Variants in CECR2 observed in about 807,000 individuals in gnomAD.
CECR2 encodes the protein CECR2 histone acetyl-lysine reader.
CECR2 carries 30 observed loss-of-function variants against 154.5 expected under a neutral mutation model. The ratio of observed to expected loss-of-function variants is 0.19; its 90% CI spans 0.15 to 0.26. The LOEUF is 0.26. Ranked by LOEUF, CECR2 falls within the 10% of genes least tolerant of loss-of-function variation. The probability of loss-of-function intolerance (pLI) is 1.00; values close to 1 mark genes in which losing one functional copy is unlikely to be tolerated. For missense variants in CECR2, 1,743 were observed against 1,829.3 expected, an observed-to-expected ratio of 0.95 and a Z score of 0.86; for synonymous variants, 725 against 683.7, an observed-to-expected ratio of 1.06 and a Z score of -0.94.
intron 1 of CECR2, among the ~76,000 whole-genome samples, chr22:17,453,891 C>T (rs2054811625): frequency 6.6e-6 from 1 of 152,084 alleles, no homozygotes; most frequent in East Asian, 1.9e-4. Context: ...TGTTCAAGTG[C>T]TATTTCTTTA....
Position 17,502,362 on chromosome 22 carries a change from G to C in CECR2, c.651-720G>C, listed in dbSNP as rs189471481. Among the ~76,000 whole-genome samples the C allele has an allele frequency of 5.6e-3, 850 of 152,238 alleles. 3 individuals are homozygous for C. The highest frequency in any genetic ancestry group is 7.2e-3 in the Non-Finnish European group (488 of 68,024). On this transcript the variant is annotated intron_variant, in intron 5 of 18. Transcript: ENST00000262608. ...CAGTGCGGCCCTGAATCAGGGAGGA[G>C]GACATTGGAATCCCTACAGTTCTTT...
At chr22:17,431,604 A>T (rs1355582968) in intron 1 of CECR2, among the ~76,000 whole-genome samples, 1 of 152,186 alleles carries the variant, frequency 6.6e-6, no homozygotes, top group Non-Finnish European at 1.5e-5. Flanking sequence ...GTTTCACCTG[A>T]ATTCAATAAA....
At chr22:17,424,739 C>G (rs555705171) in intron 1 of CECR2, 2 of 154,354 alleles carry the variant, frequency 1.3e-5, no homozygotes, top group African/African-American at 4.8e-5. Flanking sequence ...GATTGGTGTC[C>G]CTCTCTCATG....
rs2056779250 is a variant in CECR2, at chr22:17,556,994, T to G, written c.*4154T>G. ...CACTGCATAGCACAAAGAATGTGAT[T>G]GCCATTTGCTGCGTGAGAAAAAGCT... On this transcript the variant is annotated 3_prime_UTR_variant, in exon 19 of 19. Coordinates refer to ENST00000262608, the MANE Select transcript of CECR2 (RefSeq NM_001290047.2). The G allele has an allele frequency of 6.6e-6, 1 of 152,176 alleles. No individual in the cohort carries two copies. Among genetic ancestry groups the G allele is most frequent in the African/African-American group, 2.4e-5 (1 of 41,444 alleles). 9.4% of individuals were successfully genotyped at this position (152,176 alleles called of 1,614,324 possible).
intron 1 of CECR2, among the ~76,000 whole-genome samples, chr22:17,401,977 C>T (rs1170957898): frequency 6.6e-6 from 1 of 152,094 alleles, no homozygotes; most frequent in Non-Finnish European, 1.5e-5. Context: ...CCATACCCAG[C>T]TCAACATTTT....
At chr22:17,370,632 A>T (rs1481844319) in intron 1 of CECR2, among the ~76,000 whole-genome samples, 7 of 151,772 alleles carry the variant, frequency 4.6e-5, no homozygotes, top group Non-Finnish European at 1.0e-4. Flanking sequence ...CCCCCGGGCG[A>T]GCGCGGAGGA....
At chr22:17,449,483 C>CTTTTTTTTTTTT (rs35473694) in intron 1 of CECR2, among the ~76,000 whole-genome samples, 4 of 71,450 alleles carry the variant, frequency 5.6e-5, no homozygotes, top group African/African-American at 1.2e-4. Flanking sequence ...GTAACCAGTT[C>CTTTTTTTTTTTT]TTTTTTTTTT....
intron 1 of CECR2, among the ~76,000 whole-genome samples, chr22:17,458,207 GA>G (rs1462835024): frequency 1.3e-5 from 2 of 152,082 alleles, no homozygotes; most frequent in Non-Finnish European, 2.9e-5. Flanking sequence ...ACGAGATCAG[GA>G]GTTCCAGACC....
In CECR2 at chr22:17,397,743, C is replaced by T. The variant is rs1405343595; in HGVS notation, c.126+27834C>T. Among the ~76,000 whole-genome samples, 8 of 152,116 alleles carry T rather than the reference C, an allele frequency of 5.3e-5. No individual in the cohort carries two copies. The East Asian group carries it at 5.8e-4, about 11-fold the overall frequency. On this transcript the variant is annotated intron_variant, in intron 1 of 18. Coordinates refer to ENST00000262608, the MANE Select transcript of CECR2 (RefSeq NM_001290047.2). ...CGATCTCCTGACCTCGTGATCCGCC[C>T]GCCTCGGCCTCCCAAAGTGCTGGGA...
chr22:17,530,579 A>C (rs2056339055), intron 9 of CECR2, among the ~76,000 whole-genome samples: 1 of 151,858 alleles, frequency 6.6e-6, no homozygotes, highest in African/African-American at 2.4e-5. Flanking sequence ...CGGGAGGCTG[A>C]GACAGGAGAA....
chr22:17,542,982 C>T lies in CECR2; in HGVS notation c.2839C>T (p.Gln947Ter). ...PGRAPENSEA[Q>*]EPENDQAEPL... ...GAGGGCACCGGAGAACAGTGAAGCA[C>T]AAGAGCCTGAGAATGACCAAGGTAA... The change falls in exon 16 of 19, where the codon CAA becomes TAA. Residue 947 changes from glutamine to a stop codon, truncating the protein, a stop_gained. Transcript: ENST00000262608. LOFTEE classifies it high-confidence loss of function. 1 of 1,609,942 alleles carries T rather than the reference C, an allele frequency of 6.2e-7. No homozygotes were observed. The highest frequency in any genetic ancestry group is 8.5e-7 in the Non-Finnish European group (1 of 1,177,714).
chr22:17,451,516 C>T (rs1420713175), intron 1 of CECR2, among the ~76,000 whole-genome samples: 1 of 152,118 alleles, frequency 6.6e-6, no homozygotes, highest in East Asian at 1.9e-4. Context: ...TTTAGAAGGA[C>T]TCACATTCCT....
At chr22:17,518,246 G>A (rs1039447502) in intron 8 of CECR2, among the ~76,000 whole-genome samples, 1 of 152,202 alleles carries the variant, frequency 6.6e-6, no homozygotes, top group African/African-American at 2.4e-5. Flanking sequence ...TGCATACGGT[G>A]TGCAGTAAAT....
intron 1 of CECR2, among the ~76,000 whole-genome samples, chr22:17,466,962 G>A (rs1029449936): frequency 6.6e-6 from 1 of 152,056 alleles, no homozygotes; most frequent in African/African-American, 2.4e-5. Flanking sequence ...CTTTTGCATG[G>A]CTATGCTGCA....
chr22:17,477,908 T>TA (rs1466815991), intron 2 of CECR2, among the ~76,000 whole-genome samples: 1 of 152,252 alleles, frequency 6.6e-6, no homozygotes, highest in Non-Finnish European at 1.5e-5. Context: ...CACAAATCCA[T>TA]ATCACTTACT....
intron 9 of CECR2, among the ~76,000 whole-genome samples, chr22:17,532,980 C>T (rs1030496489): frequency 2.6e-5 from 4 of 151,230 alleles, no homozygotes; most frequent in Non-Finnish European, 5.9e-5. Flanking sequence ...CCTAGCCGCT[C>T]ATTATTATTC....
At chr22:17,472,158 A>G (rs1446855942) in intron 1 of CECR2, among the ~76,000 whole-genome samples, 1 of 152,212 alleles carries the variant, frequency 6.6e-6, no homozygotes, top group East Asian at 1.9e-4. Context: ...CCTGGGATCC[A>G]TCTCTTGGCC....
At chr22:17,432,265 T>C (rs1311037577) in intron 1 of CECR2, among the ~76,000 whole-genome samples, 1 of 152,284 alleles carries the variant, frequency 6.6e-6, no homozygotes, top group Non-Finnish European at 1.5e-5. Context: ...CTTAGCAGAA[T>C]GTTTTTATGG....
intron 3 of CECR2, among the ~76,000 whole-genome samples, 163 bp downstream of exon 3, chr22:17,497,749 G>A (rs1469520043): frequency 6.6e-6 from 1 of 152,172 alleles, no homozygotes; most frequent in African/African-American, 2.4e-5. Context: ...CATGACTGCT[G>A]TAGCCACGGA....
Sources: gnomAD v4.1 joint callset for allele counts (sites outside exome capture counted in the v4.1 genomes callset) on GRCh38, gnomAD v4.1.1 for gene constraint, MANE v1.5 for transcripts, NCBI Gene and HGNC (gene_info 2026-07-23, HGNC 2026-07-21) for gene names.